BTC: variants seen among roughly 807,000 people sequenced by gnomAD.
BTC encodes probetacellulin.
Under a neutral mutation model 18.1 loss-of-function variants are expected in BTC, and 13 were observed. The observed-to-expected ratio is 0.72, with a 90% confidence interval of 0.47 to 1.14. BTC has a LOEUF of 1.14. Among genes scored for constraint, BTC ranks in the 50% most tolerant of loss-of-function variants. BTC has a pLI of 0.00. For missense variants in BTC, 247 were observed against 224.2 expected (o/e 1.10, Z -0.65); for synonymous variants, 83 against 79.4 (o/e 1.05, Z -0.24).
rs1235501237 is a variant in BTC, at chr4:74,794,289, G to A, written c.37C>T (p.Leu13=). 1 of 1,549,414 alleles carries A rather than the reference G, an allele frequency of 6.5e-7. No homozygotes were observed. The highest frequency in any genetic ancestry group is 2.4e-5 in the East Asian group (1 of 40,840). The change falls in exon 1 of 6, where the codon CTG becomes TTG. Residue 13 remains leucine (L), a synonymous_variant. Coordinates refer to ENST00000395743, the MANE Select transcript of BTC (RefSeq NM_001729.4). The stretch of plus-strand genomic sequence containing the variant: ...AGGGCAAGGGCCAGGAGCAGTGGCA[G>A]GGAGCTGGCGCCGCTGCACCGGGCG... ...RAARCSGASS[L]PLLLALALGL...
chr4:74,747,746 T>C (rs1553955617), intron 5 of BTC, among the ~76,000 whole-genome samples: 1 of 152,170 alleles, frequency 6.6e-6, no homozygotes, highest in African/African-American at 2.4e-5. Flanking sequence ...ATGTGAAGTG[T>C]CTATATTAAA....
intron 1 of BTC, among the ~76,000 whole-genome samples, chr4:74,776,564 T>C (rs530639423): frequency 5.3e-5 from 8 of 152,302 alleles, no homozygotes; most frequent in African/African-American, 1.9e-4. Context: ...TTAAAAGTAT[T>C]ATCCCCATCA....
chr4:74,775,606 C>T (rs1262807570), intron 1 of BTC, among the ~76,000 whole-genome samples: 1 of 152,180 alleles, frequency 6.6e-6, no homozygotes, highest in Non-Finnish European at 1.5e-5. Flanking sequence ...TCAATCTCTT[C>T]CGAAATATGC....
At chr4:74,774,725 A>G (rs1209491358) in intron 1 of BTC, among the ~76,000 whole-genome samples, 1 of 152,166 alleles carries the variant, frequency 6.6e-6, no homozygotes, top group Non-Finnish European at 1.5e-5. Context: ...GCTGGCAAGC[A>G]CGTAGGCAAC....
Position 74,785,911 on chromosome 4 carries a change from T to C in BTC, c.64+8351A>G, listed in dbSNP as rs565236135. ...GCTCCTGTGTTAGATGAATGTTATG[T>C]AGATGAAATGAATTATTATGCTCTT... On this transcript the variant is annotated intron_variant, in intron 1 of 5. Coordinates refer to ENST00000395743, the MANE Select transcript of BTC (RefSeq NM_001729.4). 2.0e-5 allele frequency among the ~76,000 whole-genome samples: 3 copies of C among 152,306 alleles called. No individual in the cohort carries two copies. The East Asian group carries it at 5.8e-4, about 29-fold the overall frequency.
intron 2 of BTC, among the ~76,000 whole-genome samples, chr4:74,765,883 T>C (rs562858577): frequency 6.6e-6 from 1 of 152,076 alleles, no homozygotes; most frequent in Non-Finnish European, 1.5e-5. Flanking sequence ...TATTAGGCAG[T>C]TTTTTCATTG....
intron 2 of BTC, among the ~76,000 whole-genome samples, chr4:74,760,667 T>A (rs1724727824): frequency 1.3e-5 from 2 of 152,080 alleles, no homozygotes; most frequent in South Asian, 2.1e-4. Flanking sequence ...CATGTTAACT[T>A]TTTCTGAGCT....
intron 1 of BTC, among the ~76,000 whole-genome samples, chr4:74,773,689 G>C (rs550122821): frequency 1.3e-5 from 2 of 151,142 alleles, no homozygotes; most frequent in African/African-American, 4.9e-5. Flanking sequence ...TCGGCTCATT[G>C]CTGCCTCCGC....
intron 1 of BTC, among the ~76,000 whole-genome samples, chr4:74,783,341 G>A (rs185254255): frequency 7.8e-4 from 119 of 152,126 alleles, no homozygotes; most frequent in African/African-American, 2.4e-3. Context: ...TCTCGGCACC[G>A]TTTATTAAAT....
chr4:74,756,014 T>C (rs1553956684), intron 2 of BTC, 38 bp from the exon 3 acceptor site: 11 of 1,460,362 alleles, frequency 7.5e-6, no homozygotes, highest in Non-Finnish European at 1.1e-5. Flanking sequence ...TCAACTCTCT[T>C]TAAATATTCA....
chr4:74,768,155 A>T (rs1724949983), intron 2 of BTC, among the ~76,000 whole-genome samples: 1 of 152,148 alleles, frequency 6.6e-6, no homozygotes, highest in African/African-American at 2.4e-5. Context: ...TTGATGGGTA[A>T]ATTAGTACTG....
intron 3 of BTC, 123 bp from the exon 4 acceptor site, chr4:74,750,842 T>A: frequency 7.6e-7 from 1 of 1,312,676 alleles, no homozygotes; most frequent in Non-Finnish European, 1.1e-6. Context: ...GTTCCCTTTT[T>A]AAAAAAAGAT....
rs548400460 is a variant in BTC, at chr4:74,765,330, T to G, written c.163+4728A>C. 7.2e-5 allele frequency among the ~76,000 whole-genome samples: 11 copies of G among 152,198 alleles called. No homozygotes were observed. In the East Asian group the frequency reaches 2.1e-3, roughly 29 times the overall value. ...TAAATTTTCAAGCTGGATAATTCAG[T>G]AACTAAGCTGGAAAATTCAACAGAT... On this transcript the variant is annotated intron_variant, in intron 2 of 5. Coordinates refer to ENST00000395743, the MANE Select transcript of BTC (RefSeq NM_001729.4).
intron 1 of BTC, among the ~76,000 whole-genome samples, chr4:74,793,674 G>C (rs1198429384): frequency 6.6e-6 from 1 of 152,120 alleles, no homozygotes; most frequent in East Asian, 1.9e-4. Context: ...GCTCTGCTTT[G>C]TGAGTTCTGA....
At chr4:74,755,795 G>T in intron 3 of BTC, 64 bp downstream of exon 3, 1 of 1,465,806 alleles carries the variant, frequency 6.8e-7, no homozygotes, top group Non-Finnish European at 9.5e-7. Context: ...TTCCAGTCCT[G>T]GCAAGACCCA....
intron 2 of BTC, among the ~76,000 whole-genome samples, chr4:74,765,736 A>G (rs1724884217): frequency 6.6e-6 from 1 of 152,204 alleles, no homozygotes; most frequent in Admixed American, 6.5e-5. Context: ...GAAAGGAGCA[A>G]GATGAAAATT....
chr4:74,776,570 C>A (rs892839109), intron 1 of BTC, among the ~76,000 whole-genome samples: 2 of 152,040 alleles, frequency 1.3e-5, no homozygotes, highest in Non-Finnish European at 2.9e-5. Flanking sequence ...GTATTATCCC[C>A]ATCAGTCAGC....
At chr4:74,790,538 C>G (rs1000400286) in intron 1 of BTC, among the ~76,000 whole-genome samples, 1 of 152,110 alleles carries the variant, frequency 6.6e-6, no homozygotes, top group African/African-American at 2.4e-5. Flanking sequence ...TACCCATTTT[C>G]AGTAATTGCC....
intron 1 of BTC, among the ~76,000 whole-genome samples, chr4:74,788,403 A>G (rs1461839530): frequency 2.6e-5 from 4 of 152,184 alleles, no homozygotes; most frequent in Non-Finnish European, 4.4e-5. Context: ...CCTGTAATAA[A>G]TTATCCTTTT....
Sources: gnomAD v4.1 joint callset for allele counts (sites outside exome capture counted in the v4.1 genomes callset) on GRCh38, gnomAD v4.1.1 for gene constraint, MANE v1.5 for transcripts, NCBI Gene and HGNC (gene_info 2026-07-23, HGNC 2026-07-21) for gene names.